Variants in FAM153A observed in about 807,000 individuals in gnomAD.
FAM153A encodes protein FAM153A.
FAM153A carries 12 observed loss-of-function variants against 48.1 expected under a neutral mutation model. The observed-to-expected ratio is 0.25, with a 90% CI of 0.16 to 0.40. The LOEUF is 0.40. Among genes scored for constraint, FAM153A ranks in the 10% least tolerant of loss-of-function variants. The probability of loss-of-function intolerance (pLI) is 1.00; values close to 1 mark genes in which losing one functional copy is unlikely to be tolerated. For synonymous variants in FAM153A, 36 were observed against 118.2 expected (o/e 0.30, Z 4.51); for missense variants, 111 against 345.8 (o/e 0.32, Z 5.38).
intron 17 of FAM153A, 75 bp downstream of exon 19, chr5:177,729,410 A>C: frequency 2.1e-6 from 3 of 1,443,682 alleles, no homozygotes; most frequent in East Asian, 2.6e-5. Flanking sequence ...TGAGGTGTAT[A>C]CATCTTAATT....
At chr5:177,781,264 A>ATT (rs1303137176), upstream of FAM153A, among the ~76,000 whole-genome samples, 2,253 of 75,320 alleles carry the variant, frequency 0.03, 74 homozygotes, top group African/African-American at 0.099. Context: ...ACGCCCGGCT[A>ATT]TTTTTTTTTT....
At chr5:177,707,502 C>G (rs1275245694), downstream of FAM153A, among the ~76,000 whole-genome samples, 4 of 151,560 alleles carry the variant, frequency 2.6e-5, no homozygotes, top group Non-Finnish European at 5.9e-5. Flanking sequence ...AAATGCAGAA[C>G]AATAAAATTC....
At chr5:177,781,987 C>T (rs1454781085), upstream of FAM153A, among the ~76,000 whole-genome samples, 1 of 102,418 alleles carries the variant, frequency 9.8e-6, no homozygotes, top group Non-Finnish European at 2.1e-5. Context: ...CCTCGGCCTC[C>T]CAAAGTGCTG....
chr5:177,757,355 A>T (rs1206310082), upstream of FAM153A, among the ~76,000 whole-genome samples: 3 of 108,292 alleles, frequency 2.8e-5, no homozygotes, highest in Admixed American at 1.0e-4. Context: ...AACCAAAAAA[A>T]GTCCAGGACC....
downstream of FAM153A, among the ~76,000 whole-genome samples, chr5:177,709,465 G>A (rs182940176): frequency 3.9e-3 from 588 of 149,038 alleles, 9 homozygotes; most frequent in African/African-American, 0.014. Context: ...AGGTTCAAGC[G>A]ATTCTCCTGC....
chr5:177,760,206 A>T (rs1210519490), intron 1 of FAM153A, among the ~76,000 whole-genome samples: 2 of 138,034 alleles, frequency 1.4e-5, no homozygotes, highest in African/African-American at 5.5e-5. Flanking sequence ...CCACAGATTT[A>T]TATCTCTTAA....
intron 1 of FAM153A, among the ~76,000 whole-genome samples, chr5:177,778,637 G>T (rs1457694605): frequency 1.1e-5 from 1 of 94,302 alleles, no homozygotes; most frequent in Non-Finnish European, 2.2e-5. Context: ...GCCAAGTGTG[G>T]TGGGGCATGC....
chr5:177,746,702 G>A (rs2127675552), intron 4 of FAM153A, among the ~76,000 whole-genome samples: 1 of 150,820 alleles, frequency 6.6e-6, no homozygotes, highest in East Asian at 2.0e-4. Flanking sequence ...ACTCACACTG[G>A]CTCCAGGAAT....
At chr5:177,766,045 C>T (rs186730221) in intron 1 of FAM153A, among the ~76,000 whole-genome samples, 6,315 of 107,732 alleles carry the variant, frequency 0.059, 1,112 homozygotes, top group African/African-American at 0.19. Context: ...TGAACTCGGG[C>T]GGCAGAGGTT....
chr5:177,718,859 C>G (rs1760438706), downstream of FAM153A, among the ~76,000 whole-genome samples: 3 of 149,894 alleles, frequency 2.0e-5, 1 homozygote, highest in Middle Eastern at 3.4e-3. Context: ...AAATACCCAT[C>G]AGACATAAAT....
the FAM153A span, among the ~76,000 whole-genome samples, chr5:177,696,430 G>A: frequency 1.3e-5 from 2 of 151,970 alleles, no homozygotes; most frequent in African/African-American, 4.9e-5. Context: ...GGGCAGAGGT[G>A]CTCCTCACAT....
chr5:177,736,610 C>T lies in FAM153A; in HGVS notation c.634-1G>A. The T allele has an allele frequency of 6.3e-7, 1 of 1,593,410 alleles. No individual in the cohort carries two copies. Among genetic ancestry groups the T allele is most frequent in the East Asian group, 2.3e-5 (1 of 42,926 alleles). On this transcript the variant is annotated splice_acceptor_variant, in intron 11 of 20. Coordinates refer to ENST00000614127, the Ensembl canonical transcript of FAM153A. LOFTEE classifies it high-confidence loss of function. ...CCAGTGTGTCTGGGTCCCCCTCCAT[C>T]TAGAGAAAAACAAAACACTATGAGG...
chr5:177,738,269 AAT>A (rs1765004218), intron 10 of FAM153A, among the ~76,000 whole-genome samples: 1 of 151,368 alleles, frequency 6.6e-6, no homozygotes, highest in Non-Finnish European at 1.5e-5. Context: ...CGTTAAATAC[AAT>A]ATAACACGCC....
intron 1 of FAM153A, among the ~76,000 whole-genome samples, chr5:177,759,368 G>A (rs968912991): frequency 4.0e-5 from 6 of 151,702 alleles, no homozygotes; most frequent in African/African-American, 1.2e-4. Context: ...ACTGTTGGTG[G>A]GACTGTAAAC....
At chr5:177,726,147 C>A (rs1346673950) in intron 18 of FAM153A, among the ~76,000 whole-genome samples, 2 of 139,974 alleles carry the variant, frequency 1.4e-5, no homozygotes, top group Non-Finnish European at 3.1e-5. Flanking sequence ...TAGAGAAAGA[C>A]AGTGGGCTCC....
chr5:177,743,503 G>T (rs1765646634), intron 6 of FAM153A, among the ~76,000 whole-genome samples: 1 of 120,174 alleles, frequency 8.3e-6, no homozygotes. Flanking sequence ...TATCCATTCT[G>T]GGCCCCATTA....
At chr5:177,695,997 G>A in the FAM153A span, among the ~76,000 whole-genome samples, 80 of 117,264 alleles carry the variant, frequency 6.8e-4, no homozygotes, top group East Asian at 0.016. Flanking sequence ...ACGGGGTGGC[G>A]GCTGGGCAGA....
chr5:177,736,908 T>C, intron 11 of FAM153A, 134 bp downstream of exon 13: 1 of 880,254 alleles, frequency 1.1e-6, no homozygotes, highest in Non-Finnish European at 1.6e-6. Context: ...TAATGAACGC[T>C]GACATTTGCC....
At chr5:177,734,806 A>G (rs1451106590) in intron 13 of FAM153A, 57 bp downstream of exon 15, 7 of 1,607,458 alleles carry the variant, frequency 4.4e-6, no homozygotes, top group Non-Finnish European at 5.9e-6. Flanking sequence ...TTTAATCCAA[A>G]TAAGATAAAG....
Sources: allele counts gnomAD v4.1 joint callset (sites outside exome capture counted in the v4.1 genomes callset), GRCh38; gene constraint gnomAD v4.1.1; transcripts MANE v1.5; gene names NCBI Gene and HGNC (gene_info 2026-07-23, HGNC 2026-07-21).